Variants in STK3 observed in about 807,000 individuals in gnomAD.
STK3 encodes serine/threonine kinase 3.
STK3 carries 41 observed loss-of-function variants against 58.0 expected under a neutral mutation model. The ratio of observed to expected loss-of-function variants is 0.71; its 90% CI spans 0.55 to 0.92. STK3 has a LOEUF of 0.92. Among genes scored for constraint, STK3 ranks in the 40% least tolerant of loss-of-function variants. The pLI is 0.00. For synonymous variants in STK3, 170 were observed against 191.0 expected (o/e 0.89, Z 0.91); for missense variants, 479 against 602.7 (o/e 0.79, Z 2.15).
At chr8:98,578,946 T>A (rs747457278) in intron 8 of STK3, among the ~76,000 whole-genome samples, 3 of 151,688 alleles carry the variant, frequency 2.0e-5, no homozygotes, top group Non-Finnish European at 4.4e-5. Context: ...AGGTCAGGAG[T>A]TTGAGACCAG....
chr8:98,785,032 C>A (rs1235119384), intron 1 of STK3, among the ~76,000 whole-genome samples: 1 of 152,234 alleles, frequency 6.6e-6, no homozygotes, highest in Non-Finnish European at 1.5e-5. Flanking sequence ...ACTGCTCCAT[C>A]CTTCTATACA....
At chr8:98,765,709 T>C (rs1246256283) in intron 3 of STK3, among the ~76,000 whole-genome samples, 1 of 152,232 alleles carries the variant, frequency 6.6e-6, no homozygotes, top group African/African-American at 2.4e-5. Context: ...ACAAAGCACA[T>C]GCTAACGATG....
chr8:98,883,820 G>A (rs1164294758), exon 2 of STK3: 3 of 677,886 alleles, frequency 4.4e-6, no homozygotes, highest in Non-Finnish European at 8.1e-6. Flanking sequence ...TCCTGAAGAA[G>A]GGACATTGAA....
intron 3 of STK3, among the ~76,000 whole-genome samples, chr8:98,425,381 G>T (rs1212606572): frequency 6.6e-6 from 1 of 152,186 alleles, no homozygotes; most frequent in Non-Finnish European, 1.5e-5. Flanking sequence ...AGGGTGGCTT[G>T]TGTGTGTTTG....
chr8:98,545,661 G>T (rs1214771618), intron 9 of STK3, among the ~76,000 whole-genome samples: 1 of 152,038 alleles, frequency 6.6e-6, no homozygotes, highest in Non-Finnish European at 1.5e-5. Flanking sequence ...CAACTCACTT[G>T]AAACTCCAAT....
intron 6 of STK3, among the ~76,000 whole-genome samples, chr8:98,650,529 G>A (rs1820802244): frequency 6.6e-6 from 1 of 152,266 alleles, no homozygotes. Context: ...AGCCAAAGCA[G>A]GGAGAGGTAT....
chr8:98,563,896 T>C (rs987172874), intron 8 of STK3, among the ~76,000 whole-genome samples: 3 of 152,160 alleles, frequency 2.0e-5, no homozygotes, highest in African/African-American at 7.2e-5. Context: ...ATCTCCTGTG[T>C]AGAAAAAATT....
intron 1 of STK3, among the ~76,000 whole-genome samples, chr8:98,890,967 A>T (rs1838177074): frequency 6.6e-6 from 1 of 152,244 alleles, no homozygotes; most frequent in African/African-American, 2.4e-5. Context: ...AGTAACTAAG[A>T]GGCCTAATTT....
intron 6 of STK3, among the ~76,000 whole-genome samples, chr8:98,596,612 G>C (rs1410473252): frequency 6.6e-6 from 1 of 152,046 alleles, no homozygotes; most frequent in African/African-American, 2.4e-5. Flanking sequence ...TAAAATTACT[G>C]CTATAATTTG....
At chr8:98,545,541 T>A (rs1810632993) in intron 9 of STK3, among the ~76,000 whole-genome samples, 2 of 152,192 alleles carry the variant, frequency 1.3e-5, no homozygotes, top group Non-Finnish European at 1.5e-5. Context: ...TGTGGGTAAT[T>A]TTCCTTTCTA....
At chr8:98,499,489 G>A (rs1339939375) in intron 10 of STK3, among the ~76,000 whole-genome samples, 4 of 152,184 alleles carry the variant, frequency 2.6e-5, no homozygotes, top group Non-Finnish European at 5.9e-5. Context: ...AGTGGGAGGT[G>A]CATGATAGAA....
intron 2 of STK3, among the ~76,000 whole-genome samples, chr8:98,375,281 C>CAA (rs565803495): frequency 2.4e-5 from 2 of 85,102 alleles, no homozygotes; most frequent in Non-Finnish European, 2.8e-5. Flanking sequence ...CAAAAAAAAA[C>CAA]AAAAAAAAAA....
intron 4 of STK3, among the ~76,000 whole-genome samples, chr8:98,720,635 C>T (rs1333794288): frequency 6.6e-6 from 1 of 151,580 alleles, no homozygotes; most frequent in African/African-American, 2.4e-5. Context: ...CCAGTAGTCC[C>T]GGCTGCTCGG....
At chr8:98,403,149 T>C (rs2131028982) in intron 3 of STK3, among the ~76,000 whole-genome samples, 1 of 152,356 alleles carries the variant, frequency 6.6e-6, no homozygotes, top group East Asian at 1.9e-4. Context: ...AAGGTGGGCC[T>C]GCCTTGCAGG....
intron 1 of STK3, among the ~76,000 whole-genome samples, chr8:98,885,877 A>C (rs770989712): frequency 3.3e-5 from 5 of 152,232 alleles, no homozygotes; most frequent in Non-Finnish European, 1.5e-5. Flanking sequence ...CTCAGCAGTA[A>C]AAAGGAACAC....
chr8:98,646,269 C>T (rs561991111), intron 6 of STK3, among the ~76,000 whole-genome samples: 2 of 152,252 alleles, frequency 1.3e-5, no homozygotes, highest in African/African-American at 4.8e-5. Context: ...TATCTCATTC[C>T]CTTCTTGACT....
At chr8:98,755,704 T>C (rs1219250976) in intron 3 of STK3, among the ~76,000 whole-genome samples, 1 of 152,352 alleles carries the variant, frequency 6.6e-6, no homozygotes, top group African/African-American at 2.4e-5. Flanking sequence ...CCTTTTATAC[T>C]GTAAAGCACT....
chr8:98,761,833 T>C (rs1398089950), intron 3 of STK3, among the ~76,000 whole-genome samples: 1 of 152,196 alleles, frequency 6.6e-6, no homozygotes, highest in Admixed American at 6.5e-5. Flanking sequence ...TTTATTTATT[T>C]ATTTATTTAT....
chr8:98,820,895 G>C (rs550127885), intron 1 of STK3, among the ~76,000 whole-genome samples: 1 of 152,108 alleles, frequency 6.6e-6, no homozygotes, highest in East Asian at 1.9e-4. Context: ...GGATAATGGC[G>C]TGAACCTGGG....
Sources: allele counts gnomAD v4.1 joint callset (sites outside exome capture counted in the v4.1 genomes callset), GRCh38; gene constraint gnomAD v4.1.1; transcripts MANE v1.5; gene names NCBI Gene and HGNC (gene_info 2026-07-23, HGNC 2026-07-21).